KIF6: variants seen among roughly 807,000 people sequenced by gnomAD.
KIF6 encodes kinesin-like protein KIF6.
A neutral mutation model predicts 112.7 loss-of-function variants in KIF6; 106 were observed. The ratio of observed to expected loss-of-function variants is 0.94; its 90% confidence interval spans 0.80 to 1.11. The LOEUF (loss-of-function observed/expected upper bound fraction) is 1.11. Ranked by LOEUF, KIF6 falls within the 50% of genes least tolerant of loss-of-function variation. The pLI is 0.00. For missense variants in KIF6, 929 were observed against 964.0 expected (o/e 0.96, Z 0.48); for synonymous variants, 339 against 339.9 (o/e 1.00, Z 0.03).
At chr6:39,445,929 C>G (rs1047923105) in intron 13 of KIF6, among the ~76,000 whole-genome samples, 4 of 152,224 alleles carry the variant, frequency 2.6e-5, no homozygotes, top group Non-Finnish European at 4.4e-5. Context: ...GCACCCTCAA[C>G]CAGTTCCCTG....
At chr6:39,694,080 T>C (rs1231466021) in intron 3 of KIF6, among the ~76,000 whole-genome samples, 1 of 150,956 alleles carries the variant, frequency 6.6e-6, no homozygotes, top group South Asian at 2.1e-4. Flanking sequence ...ATCATCTCAA[T>C]AGATATGGAA....
intron 13 of KIF6, among the ~76,000 whole-genome samples, chr6:39,533,896 C>CG (rs1387336914): frequency 6.6e-6 from 1 of 152,188 alleles, no homozygotes; most frequent in Non-Finnish European, 1.5e-5. Context: ...GCAGCACTTG[C>CG]GGTTCATGAA....
intron 13 of KIF6, among the ~76,000 whole-genome samples, chr6:39,508,938 C>T (rs1776604186): frequency 6.6e-6 from 1 of 152,134 alleles, no homozygotes; most frequent in African/African-American, 2.4e-5. Flanking sequence ...GGTCCCTGAC[C>T]CCTGTGTAGC....
intron 3 of KIF6, among the ~76,000 whole-genome samples, chr6:39,714,369 C>T (rs927075232): frequency 1.3e-5 from 2 of 151,854 alleles, no homozygotes; most frequent in Non-Finnish European, 2.9e-5. Flanking sequence ...AGAAAATCAT[C>T]TAGGACTCTG....
chr6:39,476,257 T>C (rs1774422429), intron 13 of KIF6, among the ~76,000 whole-genome samples: 1 of 151,272 alleles, frequency 6.6e-6, no homozygotes, highest in African/African-American at 2.4e-5. Context: ...CAGGGCACCA[T>C]GGAGATTCCT....
rs191198507 is a variant in KIF6 at position 39,503,836 on chromosome 6, T to C, written c.1645+36167A>G. On this transcript the variant is annotated intron_variant, in intron 13 of 22. Transcript: ENST00000287152. ...TTCTGCAACAGAGGCAGTAATAGCC[T>C]ACCAACCAACCAGAAAAAAAAAAAA... Among the ~76,000 whole-genome samples, 150 of 124,472 alleles carry C rather than the reference T, an allele frequency of 1.2e-3. 1 individual carries two copies. Among genetic ancestry groups the C allele is most frequent in the Admixed American group, 2.1e-3 (24 of 11,168 alleles). The allele number at this position is 124,472 out of a possible 152,430, so 81.7% of individuals were successfully genotyped here.
At chr6:39,583,597 T>TG in intron 9 of KIF6, 1 of 384,822 alleles carries the variant, frequency 2.6e-6, no homozygotes, top group South Asian at 2.0e-5. Context: ...GTAATTAATA[T>TG]GGGTAACAAT....
chr6:39,459,524 G>T (rs1773329030), intron 13 of KIF6, among the ~76,000 whole-genome samples: 1 of 12,218 alleles, frequency 8.2e-5, no homozygotes. Context: ...TTGACAAATG[G>T]TATCTAATTA....
intron 19 of KIF6, among the ~76,000 whole-genome samples, chr6:39,356,454 C>T (rs1468259681): frequency 2.0e-5 from 3 of 152,082 alleles, no homozygotes; most frequent in Non-Finnish European, 2.9e-5. Flanking sequence ...TTAGTAGAGA[C>T]AGGCTTCCCC....
At chr6:39,398,756 A>C (rs946049600) in intron 15 of KIF6, among the ~76,000 whole-genome samples, 1 of 152,232 alleles carries the variant, frequency 6.6e-6, no homozygotes, top group Admixed American at 6.5e-5. Flanking sequence ...AGAGATTAAA[A>C]AATATCTTCA....
chr6:39,524,418 C>T (rs148047363), intron 13 of KIF6, among the ~76,000 whole-genome samples: 3,019 of 152,124 alleles, frequency 0.02, 96 homozygotes, highest in African/African-American at 0.068. Flanking sequence ...TCTTGGAAAT[C>T]CTGGAAAACT....
At chr6:39,626,688 T>C (rs970251532) in intron 5 of KIF6, among the ~76,000 whole-genome samples, 23 of 152,138 alleles carry the variant, frequency 1.5e-4, no homozygotes, top group Admixed American at 6.6e-4. Flanking sequence ...ATTTTCCTGG[T>C]ATTTCAAAAA....
chr6:39,544,359 C>T (rs888033589), intron 12 of KIF6, 196 bp downstream of exon 12: 2 of 440,332 alleles, frequency 4.5e-6, no homozygotes, highest in Non-Finnish European at 7.8e-6. Flanking sequence ...AAAACAAACA[C>T]ATTTTTTTCT....
At chr6:39,583,290 G>A in intron 9 of KIF6, 3 of 427,568 alleles carry the variant, frequency 7.0e-6, no homozygotes, top group South Asian at 5.2e-5. Flanking sequence ...CTTCTGGAAG[G>A]GTAGGGACAG....
chr6:39,484,612 A>G (rs777170104), intron 13 of KIF6, among the ~76,000 whole-genome samples: 11 of 152,238 alleles, frequency 7.2e-5, no homozygotes, highest in Admixed American at 5.2e-4. Flanking sequence ...TTTTTGAGAT[A>G]AGAAAAAGTC....
chr6:39,495,939 C>G (rs771483653), intron 13 of KIF6, among the ~76,000 whole-genome samples: 1 of 152,080 alleles, frequency 6.6e-6, no homozygotes, highest in Non-Finnish European at 1.5e-5. Context: ...CCTGGGGACC[C>G]CAGAATAAGA....
At chr6:39,543,469 T>C (rs1778906683) in intron 12 of KIF6, among the ~76,000 whole-genome samples, 1 of 152,172 alleles carries the variant, frequency 6.6e-6, no homozygotes, top group Non-Finnish European at 1.5e-5. Context: ...CTGCTGATAC[T>C]CAAGTAAAAT....
At chr6:39,488,404 A>G (rs994796602) in intron 13 of KIF6, among the ~76,000 whole-genome samples, 8 of 152,108 alleles carry the variant, frequency 5.3e-5, no homozygotes, top group Non-Finnish European at 7.4e-5. Flanking sequence ...CCTGTCTTGG[A>G]CTTGCTGTTT....
chr6:39,553,126 A>G (rs1038367104), intron 10 of KIF6, among the ~76,000 whole-genome samples: 2 of 152,216 alleles, frequency 1.3e-5, no homozygotes, highest in African/African-American at 4.8e-5. Context: ...CAGGTATTAT[A>G]TACATTATAT....
Sources: allele counts gnomAD v4.1 joint callset (sites outside exome capture counted in the v4.1 genomes callset), GRCh38; gene constraint gnomAD v4.1.1; transcripts MANE v1.5; gene names NCBI Gene and HGNC (gene_info 2026-07-23, HGNC 2026-07-21).